Variants in ADCY8 observed in about 807,000 individuals in gnomAD.
ADCY8 encodes adenylate cyclase 8, also known as adenylate cyclase type 8.
ADCY8 carries 51 observed loss-of-function variants against 119.7 expected under a neutral mutation model. The ratio of observed to expected loss-of-function variants is 0.43; its 90% CI spans 0.34 to 0.54. ADCY8 has a LOEUF of 0.54. ADCY8 is among the 20% of genes least tolerant of loss of function. The probability of loss-of-function intolerance (pLI) is 0.03; values close to 1 mark genes in which losing one functional copy is unlikely to be tolerated. For missense variants in ADCY8, 1,383 were observed against 1,598.8 expected (o/e 0.87, Z 2.30); for synonymous variants, 665 against 651.0 (o/e 1.02, Z -0.33).
chr8:130,986,485 C>G (rs549307728), intron 2 of ADCY8, among the ~76,000 whole-genome samples: 1 of 152,286 alleles, frequency 6.6e-6, no homozygotes, highest in African/African-American at 2.4e-5. Flanking sequence ...GAGAGAAGCA[C>G]AGAGTAGTAT....
intron 9 of ADCY8, among the ~76,000 whole-genome samples, chr8:130,865,276 G>T (rs1445570710): frequency 1.3e-5 from 2 of 151,998 alleles, no homozygotes. Context: ...TATTTCTTAA[G>T]TAATTTTTGC....
chr8:130,996,778 A>G (rs964238018), intron 1 of ADCY8, among the ~76,000 whole-genome samples: 3 of 152,180 alleles, frequency 2.0e-5, no homozygotes, highest in Non-Finnish European at 4.4e-5. Flanking sequence ...AAATGTGAGC[A>G]AAGTCTCAAA....
chr8:130,856,211 G>A (rs936217627), intron 9 of ADCY8, among the ~76,000 whole-genome samples: 1 of 151,886 alleles, frequency 6.6e-6, no homozygotes, highest in African/African-American at 2.4e-5. Flanking sequence ...TCGAATCCCA[G>A]CTTACACCTT....
chr8:131,007,073 GTTTTT>G (rs5895074), intron 1 of ADCY8, among the ~76,000 whole-genome samples: 84,177 of 151,414 alleles, frequency 0.56, 24,209 homozygotes, highest in East Asian at 0.78. Flanking sequence ...ATGAATGAAT[GTTTTT>G]TACAAACAGT....
intron 9 of ADCY8, among the ~76,000 whole-genome samples, chr8:130,855,378 C>A (rs1435704612): frequency 1.3e-5 from 2 of 152,132 alleles, no homozygotes; most frequent in Non-Finnish European, 2.9e-5. Flanking sequence ...TATGGATTGT[C>A]TGGTCAGAGT....
At chr8:130,815,829 G>C (rs1028047765) in intron 13 of ADCY8, among the ~76,000 whole-genome samples, 20 of 152,156 alleles carry the variant, frequency 1.3e-4, no homozygotes, top group African/African-American at 7.2e-5. Context: ...GACCAGGCAG[G>C]GGCGGAATAG....
At chr8:130,798,010 T>G (rs1815639878) in intron 15 of ADCY8, among the ~76,000 whole-genome samples, 1 of 152,224 alleles carries the variant, frequency 6.6e-6, no homozygotes, top group South Asian at 2.1e-4. Flanking sequence ...TCATTTTTGG[T>G]GTTTCTAGTC....
intron 5 of ADCY8, among the ~76,000 whole-genome samples, chr8:130,912,625 A>G (rs1462457971): frequency 1.3e-5 from 2 of 152,222 alleles, no homozygotes; most frequent in South Asian, 2.1e-4. Context: ...ATGCAAAGCT[A>G]TTTACATAAG....
intron 2 of ADCY8, among the ~76,000 whole-genome samples, chr8:130,972,266 T>A (rs936044175): frequency 6.6e-6 from 1 of 152,200 alleles, no homozygotes; most frequent in African/African-American, 2.4e-5. Context: ...TCACAACAAC[T>A]GATGAGGTAG....
intron 14 of ADCY8, among the ~76,000 whole-genome samples, chr8:130,810,795 C>T (rs1816140461): frequency 6.6e-6 from 1 of 152,178 alleles, no homozygotes. Flanking sequence ...CTGAAGCAGT[C>T]CTTTATTTTG....
At chr8:130,968,634 A>G (rs940468993) in intron 2 of ADCY8, among the ~76,000 whole-genome samples, 4 of 152,228 alleles carry the variant, frequency 2.6e-5, no homozygotes, top group African/African-American at 9.6e-5. Flanking sequence ...CTCATGTAGA[A>G]TAACCCACGA....
At chr8:130,885,249 T>A (rs917159035) in intron 7 of ADCY8, among the ~76,000 whole-genome samples, 24 of 151,630 alleles carry the variant, frequency 1.6e-4, no homozygotes, top group African/African-American at 5.1e-4. Flanking sequence ...GCATTACTCA[T>A]AGAAAGACAG....
At chr8:131,036,820 T>C (rs908662737) in intron 1 of ADCY8, among the ~76,000 whole-genome samples, 1 of 152,020 alleles carries the variant, frequency 6.6e-6, no homozygotes, top group Non-Finnish European at 1.5e-5. Flanking sequence ...TGGAGCCTAA[T>C]GAAGAGAATA....
intron 7 of ADCY8, among the ~76,000 whole-genome samples, chr8:130,888,312 G>A (rs190092390): frequency 6.6e-6 from 1 of 151,930 alleles, no homozygotes; most frequent in African/African-American, 2.4e-5. Context: ...ATACTTAGCT[G>A]GTGTTTTTGA....
Position 130,974,904 on chromosome 8 carries a change from T to G in ADCY8, c.1110+15489A>C. ...AGTGTCTAGTCACAAGTTTTGTGGC[T>G]GTTCAGAAGGTGGCTATTGTCCACA... On this transcript the variant is annotated intron_variant, in intron 2 of 17. Coordinates refer to ENST00000286355, the MANE Select transcript of ADCY8 (RefSeq NM_001115.3). Among the ~76,000 whole-genome samples the G allele has an allele frequency of 1.3e-5, 2 of 152,232 alleles. 1 individual carries two copies. Among genetic ancestry groups the G allele is most frequent in the East Asian group, 3.8e-4 (2 of 5,198 alleles).
chr8:131,014,485 A>G (rs1823407298), intron 1 of ADCY8, among the ~76,000 whole-genome samples: 1 of 152,156 alleles, frequency 6.6e-6, no homozygotes, highest in African/African-American at 2.4e-5. Flanking sequence ...TTAGATTTAA[A>G]TCCTAATTCT....
At chr8:130,888,855 T>C (rs1819083386) in intron 7 of ADCY8, among the ~76,000 whole-genome samples, 1 of 152,150 alleles carries the variant, frequency 6.6e-6, no homozygotes, top group Non-Finnish European at 1.5e-5. Flanking sequence ...ATCCTATCAC[T>C]TCATGGATTG....
chr8:131,026,633 A>G (rs1358153235), intron 1 of ADCY8, among the ~76,000 whole-genome samples: 1 of 152,102 alleles, frequency 6.6e-6, no homozygotes, highest in Non-Finnish European at 1.5e-5. Context: ...CTCCTCCTAA[A>G]TCCAAATTTT....
At chr8:130,898,593 GC>G (rs1053049868) in intron 7 of ADCY8, among the ~76,000 whole-genome samples, 7 of 152,172 alleles carry the variant, frequency 4.6e-5, no homozygotes, top group African/African-American at 1.7e-4. Flanking sequence ...ACAGAAACAT[GC>G]CTGGATTCTC....
Sources: gnomAD v4.1 joint callset for allele counts (sites outside exome capture counted in the v4.1 genomes callset) on GRCh38, gnomAD v4.1.1 for gene constraint, MANE v1.5 for transcripts, NCBI Gene and HGNC (gene_info 2026-07-23, HGNC 2026-07-21) for gene names.